CDK14: variants seen among roughly 807,000 people sequenced by gnomAD.
The protein encoded by CDK14 is cyclin dependent kinase 14, also known as cyclin-dependent kinase 14.
In CDK14, 34 loss-of-function variants were observed where a neutral mutation model predicts 60.7. That is an observed-to-expected ratio of 0.56 (90% CI 0.43 to 0.75). CDK14 has a LOEUF of 0.75. CDK14 is among the 30% of genes least tolerant of loss of function. CDK14 has a pLI of 0.00. For missense variants in CDK14, 482 were observed against 564.1 expected (o/e 0.85, Z 1.47); for synonymous variants, 197 against 203.7 (o/e 0.97, Z 0.28).
chr7:91,153,876 C>A (rs1800896560), intron 14 of CDK14, among the ~76,000 whole-genome samples: 1 of 152,054 alleles, frequency 6.6e-6, no homozygotes, highest in Admixed American at 6.6e-5. Context: ...TACCCCTGAA[C>A]TTAAAAGTTT....
intron 14 of CDK14, among the ~76,000 whole-genome samples, chr7:91,121,349 C>G (rs550665950): frequency 1.3e-5 from 2 of 152,046 alleles, no homozygotes; most frequent in South Asian, 2.1e-4. Flanking sequence ...AAAACTGGGC[C>G]GGCCGGCATT....
At chr7:90,803,900 C>A (rs1481941177) in intron 5 of CDK14, among the ~76,000 whole-genome samples, 1 of 152,068 alleles carries the variant, frequency 6.6e-6, no homozygotes, top group Non-Finnish European at 1.5e-5. Flanking sequence ...CAAAGTCATA[C>A]AAATAATTAA....
At chr7:90,926,327 T>C (rs1168687528) in intron 8 of CDK14, among the ~76,000 whole-genome samples, 4 of 152,070 alleles carry the variant, frequency 2.6e-5, no homozygotes, top group Non-Finnish European at 4.4e-5. Context: ...GAGGAAACTT[T>C]AAGAAATGAT....
chr7:90,630,237 A>C (rs1212711921), intron 2 of CDK14, among the ~76,000 whole-genome samples: 1 of 152,192 alleles, frequency 6.6e-6, no homozygotes, highest in Non-Finnish European at 1.5e-5. Context: ...GTCATGAGGC[A>C]GCTTTTTTGT....
chr7:90,998,269 A>G (rs1334366979), intron 10 of CDK14, among the ~76,000 whole-genome samples: 1 of 152,242 alleles, frequency 6.6e-6, no homozygotes, highest in Non-Finnish European at 1.5e-5. Flanking sequence ...TTATATGAGA[A>G]ATCTCAGTAC....
chr7:90,986,260 A>G (rs1222216830), intron 10 of CDK14, among the ~76,000 whole-genome samples: 2 of 152,068 alleles, frequency 1.3e-5, no homozygotes, highest in East Asian at 3.9e-4. Context: ...TCAGTTTTTC[A>G]TTATAATAAA....
intron 14 of CDK14, among the ~76,000 whole-genome samples, chr7:91,130,351 C>T (rs1434878963): frequency 6.6e-6 from 1 of 152,068 alleles, no homozygotes; most frequent in Non-Finnish European, 1.5e-5. Flanking sequence ...TGAGTTCTCA[C>T]ATAAATATTT....
At chr7:90,852,442 A>G (rs1265710620) in intron 5 of CDK14, among the ~76,000 whole-genome samples, 1 of 152,074 alleles carries the variant, frequency 6.6e-6, no homozygotes, top group Non-Finnish European at 1.5e-5. Flanking sequence ...GTATTTCCAG[A>G]TGTAGAATAG....
chr7:91,111,414 A>G (rs1389029381), intron 12 of CDK14, among the ~76,000 whole-genome samples: 5 of 152,158 alleles, frequency 3.3e-5, no homozygotes, highest in African/African-American at 4.8e-5. Context: ...GCTCTCCCTC[A>G]CCCACTTCTG....
chr7:90,962,983 G>A (rs890436334), intron 9 of CDK14, among the ~76,000 whole-genome samples: 1 of 152,048 alleles, frequency 6.6e-6, no homozygotes, highest in Admixed American at 6.6e-5. Context: ...AGGGTGCTAT[G>A]GGATATATAA....
At chr7:90,988,887 T>G (rs1795451194) in intron 10 of CDK14, among the ~76,000 whole-genome samples, 1 of 152,196 alleles carries the variant, frequency 6.6e-6, no homozygotes, top group African/African-American at 2.4e-5. Context: ...TGGCTTATAA[T>G]GAAATTTCAT....
rs1039824200 is a variant in CDK14, at chr7:91,207,731, G to A, written c.*595G>A. ...TACCTTTTGAGGTAATTTTGCAAAT[G>A]TGGTTTTTTTACTTGGAAATAACTG... On this transcript the variant is annotated 3_prime_UTR_variant, in exon 15 of 15. Transcript: ENST00000380050. 3.9e-5 allele frequency: 6 copies of A among 152,658 alleles called. No homozygotes were observed. In the South Asian group the frequency reaches 1.2e-3, roughly 32 times the overall value. 9.5% of individuals were successfully genotyped at this position (152,658 alleles called of 1,614,324 possible). A position where few individuals can be genotyped will look rare whatever the true frequency, so the allele number is the denominator to read the frequency against.
intron 2 of CDK14, among the ~76,000 whole-genome samples, chr7:90,725,136 G>A (rs1802588207): frequency 1.3e-5 from 2 of 152,080 alleles, no homozygotes; most frequent in South Asian, 4.1e-4. Context: ...ACTTGAAATG[G>A]CTTATTTTAA....
At chr7:90,733,743 G>T (rs1047842505) in intron 3 of CDK14, among the ~76,000 whole-genome samples, 4 of 152,188 alleles carry the variant, frequency 2.6e-5, no homozygotes, top group Non-Finnish European at 5.9e-5. Flanking sequence ...GCACACTGAT[G>T]GGTCTTGACT....
At chr7:91,066,084 A>G (rs1325285395) in intron 11 of CDK14, among the ~76,000 whole-genome samples, 5 of 152,106 alleles carry the variant, frequency 3.3e-5, no homozygotes, top group Admixed American at 2.0e-4. Flanking sequence ...TTTTTTTACC[A>G]GCTCAGTAGG....
chr7:91,061,673 CCT>C (rs1459054619), intron 11 of CDK14, among the ~76,000 whole-genome samples: 3 of 152,270 alleles, frequency 2.0e-5, no homozygotes, highest in Middle Eastern at 3.4e-3. Context: ...CACTCCAGAC[CCT>C]GTTTGCCTGG....
At chr7:90,911,037 G>GT (rs1369840298) in intron 7 of CDK14, among the ~76,000 whole-genome samples, 19 of 151,952 alleles carry the variant, frequency 1.3e-4, no homozygotes, top group African/African-American at 3.9e-4. Flanking sequence ...TGTGGTATTT[G>GT]TTTTTTTCTT....
intron 3 of CDK14, among the ~76,000 whole-genome samples, chr7:90,729,344 G>GTTTTTTTTTTTTTTTTTTTTT (rs1237046149): frequency 4.4e-5 from 2 of 45,206 alleles, no homozygotes; most frequent in Non-Finnish European, 7.6e-5. Flanking sequence ...AGGTATCAAG[G>GTTTTTTTTTTTTTTTTTTTTT]TTTTTTTTTT....
At chr7:90,713,578 C>T (rs2116656085) in intron 2 of CDK14, among the ~76,000 whole-genome samples, 1 of 149,994 alleles carries the variant, frequency 6.7e-6, no homozygotes, top group South Asian at 2.1e-4. Context: ...GAAGATGGGC[C>T]AGAAAACCTT....
Sources: allele counts gnomAD v4.1 joint callset (sites outside exome capture counted in the v4.1 genomes callset), GRCh38; gene constraint gnomAD v4.1.1; transcripts MANE v1.5; gene names NCBI Gene and HGNC (gene_info 2026-07-23, HGNC 2026-07-21).